The following TGFBR1 variants were observed in gnomAD, a reference collection of about 807,000 sequenced individuals.
The protein encoded by TGFBR1 is TGF-beta receptor type-1.
A neutral mutation model predicts 55.1 loss-of-function variants in TGFBR1; 20 were observed. That is an observed-to-expected ratio of 0.36 (90% CI 0.26 to 0.53). TGFBR1 has a LOEUF of 0.53. TGFBR1 is among the 20% of genes least tolerant of loss of function. The pLI is 0.91. For synonymous variants in TGFBR1, 220 were observed against 214.8 expected (o/e 1.02, Z -0.21); for missense variants, 385 against 617.6 (o/e 0.62, Z 3.99).
chr9:99,130,765 A>T (rs1419282110), intron 2 of TGFBR1, among the ~76,000 whole-genome samples: 1 of 152,246 alleles, frequency 6.6e-6, no homozygotes, highest in Non-Finnish European at 1.5e-5. Flanking sequence ...TTACCACATG[A>T]TAGGGAAGAA....
chr9:99,123,872 T>G (rs1444709395), intron 1 of TGFBR1, among the ~76,000 whole-genome samples: 1 of 152,204 alleles, frequency 6.6e-6, no homozygotes, highest in African/African-American at 2.4e-5. Context: ...ATTCTGTGTG[T>G]TTATATAATC....
chr9:99,147,620 T>G, intron 7 of TGFBR1, 34 bp from the exon 8 acceptor site: 1 of 1,601,314 alleles, frequency 6.2e-7, no homozygotes, highest in Non-Finnish European at 8.5e-7. Context: ...CTGAATAAAT[T>G]CATCAAAATT....
At chr9:99,141,356 C>G (rs564443634) in intron 4 of TGFBR1, among the ~76,000 whole-genome samples, 2 of 152,254 alleles carry the variant, frequency 1.3e-5, no homozygotes, top group African/African-American at 4.8e-5. Context: ...GTTTCTATTC[C>G]TTTCTTAATC....
chr9:99,117,030 T>C lies in TGFBR1; in HGVS notation c.97+11728T>C, dbSNP rs77073333. Among the ~76,000 whole-genome samples the C allele has an allele frequency of 8.7e-3, 1,327 of 152,314 alleles. 7 individuals carry two copies. The highest frequency in any genetic ancestry group is 0.036 in the East Asian group (186 of 5,178). On this transcript the variant is annotated intron_variant, in intron 1 of 8. Coordinates refer to ENST00000374994, the MANE Select transcript of TGFBR1 (RefSeq NM_004612.4). Reference sequence around the variant, plus strand: ...GCTTGGTTCAATTCAGCTGTGTTCTTCTAGGAGACTGCAACCACAATTTAA... The same window carrying C: ...GCTTGGTTCAATTCAGCTGTGTTCTCCTAGGAGACTGCAACCACAATTTAA...
At chr9:99,119,768 T>A (rs1407686812) in intron 1 of TGFBR1, among the ~76,000 whole-genome samples, 3 of 152,258 alleles carry the variant, frequency 2.0e-5, no homozygotes, top group Non-Finnish European at 2.9e-5. Context: ...AGTGAAGTTC[T>A]TGAGCCAGGT....
intron 1 of TGFBR1, among the ~76,000 whole-genome samples, chr9:99,122,530 C>T (rs1479660770): frequency 1.3e-5 from 2 of 151,988 alleles, no homozygotes; most frequent in Non-Finnish European, 2.9e-5. Flanking sequence ...TATGTTACCC[C>T]GAGAGTTGTT....
chr9:99,114,130 C>A lies in TGFBR1; in HGVS notation c.97+8828C>A, dbSNP rs547516805. Among the ~76,000 whole-genome samples the A allele has an allele frequency of 2.0e-5, 3 of 152,204 alleles. No individual in the cohort carries two copies. In the East Asian group the frequency reaches 5.8e-4, roughly 29 times the overall value. ...ATTATACGAGAAAAGTTAGTTTATCCATTGATTGGCTTTTATTTTGGTCAT... is the reference window on the plus strand; with the variant it reads ...ATTATACGAGAAAAGTTAGTTTATCAATTGATTGGCTTTTATTTTGGTCAT... On this transcript the variant is annotated intron_variant, in intron 1 of 8. Coordinates refer to ENST00000374994, the MANE Select transcript of TGFBR1 (RefSeq NM_004612.4).
chr9:99,144,894 C>G lies in TGFBR1; in HGVS notation c.1130+6C>G. On this transcript the variant is annotated splice_donor_region_variant and intron_variant, in intron 6 of 8. Transcript: ENST00000374994. The stretch of plus-strand genomic sequence containing the variant: ...CACAGAGTGGGAACAAAAAGGTATA[C>G]TTTTGAACAACTATATTTAATATCT... 1 of 1,613,400 alleles carries G rather than the reference C, an allele frequency of 6.2e-7. No homozygotes were observed. Among genetic ancestry groups the G allele is most frequent in the Non-Finnish European group, 8.5e-7 (1 of 1,179,566 alleles).
At chr9:99,139,754 A>G (rs1027982646) in intron 4 of TGFBR1, among the ~76,000 whole-genome samples, 2 of 152,244 alleles carry the variant, frequency 1.3e-5, no homozygotes, top group Non-Finnish European at 2.9e-5. Flanking sequence ...TATTCAAATT[A>G]TGATTCTAAG....
chr9:99,145,940 C>G (rs1210834391), intron 6 of TGFBR1: 1 of 169,224 alleles, frequency 5.9e-6, no homozygotes, highest in Non-Finnish European at 1.3e-5. Flanking sequence ...CGAGATCGGG[C>G]GTGTTTAGGG....
chr9:99,129,681 C>T lies in TGFBR1; in HGVS notation c.343+581C>T, dbSNP rs532725002. On this transcript the variant is annotated intron_variant, in intron 2 of 8. Transcript: ENST00000374994. The stretch of plus-strand genomic sequence containing the variant: ...TGGAAGGCCTGAGGTGGGCAGATCA[C>T]TTGAGGCCAGAAGTTCAAGACCAGC... Among the ~76,000 whole-genome samples, 3 of 152,298 alleles carry T rather than the reference C, an allele frequency of 2.0e-5. No homozygotes were observed. In the East Asian group the frequency reaches 5.8e-4, roughly 29 times the overall value.
At chr9:99,134,036 T>G (rs1286125639) in intron 3 of TGFBR1, among the ~76,000 whole-genome samples, 1 of 151,424 alleles carries the variant, frequency 6.6e-6, no homozygotes, top group Non-Finnish European at 1.5e-5. Flanking sequence ...AATTTTATAA[T>G]TGAGTGATAT....
rs1007901825 is a variant in TGFBR1, at chr9:99,105,351, C to T, written c.97+49C>T. On this transcript the variant is annotated intron_variant, in intron 1 of 8. Transcript: ENST00000374994. ...GCGACTGCGGGGCGCGCGGGCCGGA[C>T]CCGGCCTCTGGCTCGCTCCTGCTCT... 360 of 978,876 alleles carry T rather than the reference C, an allele frequency of 3.7e-4. 3 individuals are homozygous for T. The African/African-American group carries it at 5.9e-3, about 16-fold the overall frequency. The allele number at this position is 978,876 out of a possible 1,614,324, so 60.6% of individuals were successfully genotyped here.
rs551717842 is a variant in TGFBR1 at position 99,142,131 on chromosome 9, T to G, written c.806-405T>G. Among the ~76,000 whole-genome samples, 6 of 152,232 alleles carry G rather than the reference T, an allele frequency of 3.9e-5. No homozygotes were observed. The East Asian group carries it at 1.2e-3, about 29-fold the overall frequency. On this transcript the variant is annotated intron_variant, in intron 4 of 8. Coordinates refer to ENST00000374994, the MANE Select transcript of TGFBR1 (RefSeq NM_004612.4). ...CACTGGTCTCCGGAGACTTCTCACC[T>G]CCTTGCTTCCCTCTCTGTTCCTTCC...
At chr9:99,124,830 C>T (rs1025583584) in intron 1 of TGFBR1, among the ~76,000 whole-genome samples, 1 of 151,628 alleles carries the variant, frequency 6.6e-6, no homozygotes, top group Non-Finnish European at 1.5e-5. Flanking sequence ...TAAGAAAAAC[C>T]CTTTAGTACT....
chr9:99,114,495 CT>C (rs2118338331), intron 1 of TGFBR1, among the ~76,000 whole-genome samples: 1 of 152,272 alleles, frequency 6.6e-6, no homozygotes, highest in African/African-American at 2.4e-5. Context: ...ATTGCTGGAT[CT>C]GGCAATAATC....
chr9:99,140,469 C>A (rs1827581043), intron 4 of TGFBR1, among the ~76,000 whole-genome samples: 2 of 151,330 alleles, frequency 1.3e-5, no homozygotes, highest in South Asian at 4.2e-4. Context: ...AAAAAAACAA[C>A]AACAAAACAA....
chr9:99,128,704 A>C, intron 1 of TGFBR1, 151 bp from the exon 2 acceptor site: 1 of 1,019,404 alleles, frequency 9.8e-7, no homozygotes, highest in Non-Finnish European at 1.5e-6. Context: ...TTCTAAGAGC[A>C]ACAAATAGTT....
chr9:99,139,165 C>T (rs116885019), intron 4 of TGFBR1, among the ~76,000 whole-genome samples: 149 of 151,888 alleles, frequency 9.8e-4, no homozygotes, highest in Non-Finnish European at 1.6e-3. Flanking sequence ...CATCCCTACC[C>T]CTGAATCAAA....
Sources: allele counts gnomAD v4.1 joint callset (sites outside exome capture counted in the v4.1 genomes callset), GRCh38; gene constraint gnomAD v4.1.1; transcripts MANE v1.5; gene names NCBI Gene and HGNC (gene_info 2026-07-23, HGNC 2026-07-21).